The following C13orf46 variants were observed in gnomAD, a reference collection of about 807,000 sequenced individuals.
The protein encoded by C13orf46 is uncharacterized protein C13orf46.
chr13:113,936,743 T>C, the C13orf46 span, among the ~76,000 whole-genome samples: 1 of 150,800 alleles, frequency 6.6e-6, no homozygotes, highest in East Asian at 2.0e-4. Flanking sequence ...GTCGTCGGGG[T>C]GTGGGAAATG....
the C13orf46 span, among the ~76,000 whole-genome samples, chr13:113,932,767 T>C: frequency 1.3e-5 from 2 of 152,180 alleles, no homozygotes; most frequent in Non-Finnish European, 2.9e-5. Flanking sequence ...TGTGTTCTAT[T>C]TAAAAAACCT....
the C13orf46 span, chr13:113,926,742 CTGT>C: frequency 2.0e-5 from 3 of 152,182 alleles, no homozygotes; most frequent in Admixed American, 6.5e-5. Context: ...TTCAAGATGG[CTGT>C]TAAGTGAATT....
At chr13:113,961,733 C>A (rs1050942197) in intron 6 of C13orf46, among the ~76,000 whole-genome samples, 2 of 152,182 alleles carry the variant, frequency 1.3e-5, no homozygotes, top group Non-Finnish European at 2.9e-5. Context: ...TTTTTCCAAT[C>A]TGTAGTTACT....
the C13orf46 span, among the ~76,000 whole-genome samples, chr13:113,934,025 GACC>G: frequency 6.6e-6 from 1 of 152,170 alleles, no homozygotes; most frequent in Non-Finnish European, 1.5e-5. Context: ...CGAGATGCAT[GACC>G]GTCCATCCCC....
chr13:113,961,553 T>C (rs1295605346), intron 6 of C13orf46, among the ~76,000 whole-genome samples: 6 of 151,370 alleles, frequency 4.0e-5, no homozygotes, highest in South Asian at 4.2e-4. Flanking sequence ...TCTGTAGTCA[T>C]TGTTCTGAAG....
chr13:113,934,499 T>A, the C13orf46 span, among the ~76,000 whole-genome samples: 1 of 152,142 alleles, frequency 6.6e-6, no homozygotes, highest in South Asian at 2.1e-4. Flanking sequence ...AAAATCACTT[T>A]CAAATAAAGG....
At chr13:113,963,229 C>A (rs1277275367) in intron 6 of C13orf46, among the ~76,000 whole-genome samples, 3 of 139,836 alleles carry the variant, frequency 2.1e-5, no homozygotes, top group African/African-American at 5.2e-5. Flanking sequence ...TCAGCCTCGG[C>A]CCCTGTCCTC....
intron 2 of C13orf46, among the ~76,000 whole-genome samples, chr13:113,969,244 C>CA (rs1162443004): frequency 3.9e-5 from 6 of 152,256 alleles, no homozygotes; most frequent in Non-Finnish European, 8.8e-5. Flanking sequence ...AAGAGGAATG[C>CA]AACAGGCAGT....
chr13:113,951,362 G>A (rs1458725995), downstream of C13orf46, among the ~76,000 whole-genome samples: 1 of 152,192 alleles, frequency 6.6e-6, no homozygotes, highest in Non-Finnish European at 1.5e-5. Flanking sequence ...GGCTGGAGCC[G>A]GGCGGGGCCT....
chr13:113,945,602 A>AAAG, the C13orf46 span, among the ~76,000 whole-genome samples: 1 of 120,734 alleles, frequency 8.3e-6, no homozygotes, highest in African/African-American at 3.2e-5. Flanking sequence ...AGAAAGAAAG[A>AAAG]AAGAAGAAAG....
chr13:113,968,240 A>C (rs2138991803), intron 4 of C13orf46, among the ~76,000 whole-genome samples: 1 of 152,252 alleles, frequency 6.6e-6, no homozygotes, highest in South Asian at 2.1e-4. Flanking sequence ...TAGTGACTGC[A>C]CGTTTGGCAA....
downstream of C13orf46, among the ~76,000 whole-genome samples, chr13:113,951,529 A>C (rs926038843): frequency 4.6e-5 from 7 of 152,116 alleles, 1 homozygote; most frequent in Admixed American, 1.3e-4. Flanking sequence ...GGGTTTCCAG[A>C]CCTCAAGACT....
At chr13:113,962,279 G>A (rs920750397) in intron 6 of C13orf46, among the ~76,000 whole-genome samples, 50 of 152,252 alleles carry the variant, frequency 3.3e-4, no homozygotes, top group African/African-American at 8.7e-4. Flanking sequence ...GGTGGTGGGC[G>A]CCTGTAGTCC....
At chr13:113,965,600 C>T (rs1020908107) in intron 5 of C13orf46, among the ~76,000 whole-genome samples, 25 of 151,006 alleles carry the variant, frequency 1.7e-4, no homozygotes, top group South Asian at 1.3e-3. Flanking sequence ...GTGATGATGA[C>T]GGTGACTATA....
intron 6 of C13orf46, among the ~76,000 whole-genome samples, chr13:113,963,011 T>C (rs1031859881): frequency 6.6e-6 from 1 of 152,044 alleles, no homozygotes. Context: ...CCTGGAGACA[T>C]AAAAATCTGA....
chr13:113,939,401 G>GATGGGGAGGACGCAGACCACCCA, the C13orf46 span, among the ~76,000 whole-genome samples: 1 of 150,882 alleles, frequency 6.6e-6, no homozygotes, highest in East Asian at 1.9e-4. Context: ...GAGACCACCC[G>GATGGGGAGGACGCAGACCACCCA]ATGGGGAGGA....
At chr13:113,964,197 C>G (rs965570718) in intron 6 of C13orf46, among the ~76,000 whole-genome samples, 1 of 152,172 alleles carries the variant, frequency 6.6e-6, no homozygotes, top group Admixed American at 6.5e-5. Flanking sequence ...TTAAAAAAAT[C>G]TGTAAGAAAT....
chr13:113,960,210 C>A (rs997568855), intron 6 of C13orf46, among the ~76,000 whole-genome samples: 2 of 151,816 alleles, frequency 1.3e-5, no homozygotes, highest in Non-Finnish European at 2.9e-5. Flanking sequence ...GAGCTGAGAT[C>A]GTGCCACTGC....
the C13orf46 span, among the ~76,000 whole-genome samples, chr13:113,937,262 G>C: frequency 2.6e-5 from 4 of 152,176 alleles, no homozygotes; most frequent in Non-Finnish European, 5.9e-5. Flanking sequence ...TCTCCTCCCA[G>C]GGATCCAAGT....
Sources: gnomAD v4.1 joint callset for allele counts (sites outside exome capture counted in the v4.1 genomes callset) on GRCh38, gnomAD v4.1.1 for gene constraint, MANE v1.5 for transcripts, NCBI Gene and HGNC (gene_info 2026-07-23, HGNC 2026-07-21) for gene names.